PADI3: variants seen among roughly 807,000 people sequenced by gnomAD.
The protein encoded by PADI3 is peptidyl arginine deiminase 3.
A neutral mutation model predicts 71.5 loss-of-function variants in PADI3; 53 were observed. That is an observed-to-expected ratio of 0.74 (90% confidence interval 0.59 to 0.93). PADI3 has a LOEUF of 0.93. Among genes scored for constraint, PADI3 ranks in the 40% least tolerant of loss-of-function variants. PADI3 has a pLI of 0.00. For synonymous variants in PADI3, 361 were observed against 347.5 expected (o/e 1.04, Z -0.43); for missense variants, 821 against 868.0 (o/e 0.95, Z 0.68).
At chr1:17,255,098 C>T (rs958630533) in intron 1 of PADI3, among the ~76,000 whole-genome samples, 7 of 152,314 alleles carry the variant, frequency 4.6e-5, no homozygotes, top group African/African-American at 1.4e-4. Context: ...GCTTAAAATG[C>T]GGTTCCAAGG....
intron 1 of PADI3, among the ~76,000 whole-genome samples, chr1:17,252,364 C>G (rs2072976118): frequency 6.6e-6 from 1 of 150,516 alleles, no homozygotes; most frequent in Non-Finnish European, 1.5e-5. Flanking sequence ...AGCACAAAGT[C>G]TTGGTGCAGG....
chr1:17,263,475 C>T (rs567944238), intron 3 of PADI3, among the ~76,000 whole-genome samples: 28 of 152,106 alleles, frequency 1.8e-4, no homozygotes, highest in Admixed American at 8.5e-4. Flanking sequence ...GGAGCCCTAC[C>T]TCACACCATA....
At chr1:17,265,796 GC>G in intron 4 of PADI3, 76 bp downstream of exon 4, 1 of 1,312,788 alleles carries the variant, frequency 7.6e-7, no homozygotes, top group Non-Finnish European at 1.1e-6. Context: ...GAAGGATGAG[GC>G]CATTACAGAT....
chr1:17,271,668 G>A (rs926011654), intron 9 of PADI3, among the ~76,000 whole-genome samples: 1 of 151,768 alleles, frequency 6.6e-6, no homozygotes, highest in Non-Finnish European at 1.5e-5. Flanking sequence ...GCAACATGGT[G>A]AAACCCTGTC....
intron 11 of PADI3, among the ~76,000 whole-genome samples, chr1:17,275,263 G>A (rs533593744): frequency 3.5e-5 from 5 of 141,212 alleles, no homozygotes; most frequent in Non-Finnish European, 4.6e-5. Flanking sequence ...GTGAAACTCC[G>A]TCTCTACTAA....
chr1:17,260,548 A>G (rs560674937), intron 2 of PADI3, among the ~76,000 whole-genome samples: 5 of 152,130 alleles, frequency 3.3e-5, no homozygotes, highest in African/African-American at 1.2e-4. Flanking sequence ...CATTTCGCAG[A>G]TGGGGCAACT....
At chr1:17,269,338 T>C (rs2073214871) in intron 6 of PADI3, among the ~76,000 whole-genome samples, 1 of 152,216 alleles carries the variant, frequency 6.6e-6, no homozygotes, top group African/African-American at 2.4e-5. Flanking sequence ...TGAGCTCTAC[T>C]TCATTCTTTT....
intron 5 of PADI3, among the ~76,000 whole-genome samples, chr1:17,267,454 G>A (rs958228912): frequency 2.6e-5 from 4 of 152,138 alleles, no homozygotes; most frequent in African/African-American, 9.7e-5. Context: ...GGGCACCATT[G>A]GACATGGGGA....
In PADI3 at chr1:17,270,297, AC is replaced by A; in HGVS notation, c.721del (p.Arg241AlafsTer58). The A allele has an allele frequency of 6.2e-7, 1 of 1,613,534 alleles. No homozygotes were observed. The highest frequency in any genetic ancestry group is 8.5e-7 in the Non-Finnish European group (1 of 1,179,938). The stretch of plus-strand genomic sequence containing the variant: ...GCCAAGATAAGGTGTCCTATGAGGT[AC>A]CCCGCTTGCATGGGGATGAGGAGCG... The part of the protein sequence containing the change: ...LGQDKVSYEV[P>X]RLHGDEERFF... On this transcript the variant is annotated frameshift_variant, in exon 7 of 16. Coordinates refer to ENST00000375460, the MANE Select transcript of PADI3 (RefSeq NM_016233.2). LOFTEE classifies it high-confidence loss of function.
chr1:17,270,963 C>G lies in PADI3; in HGVS notation c.916C>G (p.Leu306Val). The G allele has an allele frequency of 6.2e-7, 1 of 1,614,076 alleles. No individual in the cohort carries two copies. The highest frequency in any genetic ancestry group is 2.2e-5 in the East Asian group (1 of 44,872). Residue 306 changes from leucine to valine, a missense_variant, in exon 8 of 16, where the codon CTA (leucine) becomes GTA (valine). Coordinates refer to ENST00000375460, the MANE Select transcript of PADI3 (RefSeq NM_016233.2). Reference sequence around the variant, plus strand: ...CATGACGCCCAGCACTCTGCCACCCCTAGAGGTGTATGTGTGCCGGTGAGT... The same window carrying G: ...CATGACGCCCAGCACTCTGCCACCCGTAGAGGTGTATGTGTGCCGGTGAGT... ...WIMTPSTLPP[L>V]EVYVCRVRNN...
chr1:17,278,907 C>A (rs887525747), intron 13 of PADI3, among the ~76,000 whole-genome samples: 3 of 152,182 alleles, frequency 2.0e-5, no homozygotes, highest in Non-Finnish European at 4.4e-5. Context: ...TCTTCCAACA[C>A]AACCCTGGAG....
chr1:17,270,677 G>A (rs2073235306), intron 7 of PADI3, among the ~76,000 whole-genome samples: 1 of 151,998 alleles, frequency 6.6e-6, no homozygotes, highest in Admixed American at 6.5e-5. Flanking sequence ...ATAAAGGGCA[G>A]TGGGGAGGAC....
In PADI3 at chr1:17,274,671, G is replaced by C; in HGVS notation, c.1192G>C (p.Asp398His). 1 of 1,613,554 alleles carries C rather than the reference G, an allele frequency of 6.2e-7. No individual in the cohort carries two copies. The highest frequency in any genetic ancestry group is 8.5e-7 in the Non-Finnish European group (1 of 1,179,714). ...DFGYVTREPR[D>H]RSVSGLDSFG... ...TGGTTACGTGACTCGGGAACCACGC[G>C]ACAGGTCTGTGAGTGGCCTGGACTC... The change falls in exon 11 of 16, where the codon GAC (aspartate) becomes CAC (histidine). Residue 398 changes from aspartate (D) to histidine (H), a missense_variant. Physicochemically the swap from Asp to His is moderately conservative, Grantham distance 81 (BLOSUM62 -1). Coordinates refer to ENST00000375460, the MANE Select transcript of PADI3 (RefSeq NM_016233.2).
intron 1 of PADI3, among the ~76,000 whole-genome samples, chr1:17,251,767 A>G (rs933364933): frequency 6.6e-6 from 1 of 152,218 alleles, no homozygotes; most frequent in Non-Finnish European, 1.5e-5. Context: ...ACATTCAGTT[A>G]TGTTAACTGT....
chr1:17,274,426 G>T (rs1318754264), intron 10 of PADI3, among the ~76,000 whole-genome samples: 3 of 152,250 alleles, frequency 2.0e-5, no homozygotes, highest in African/African-American at 7.2e-5. Context: ...CAGGGCCAGA[G>T]AGTCCGAGCA....
At chr1:17,254,626 C>T (rs1033501532) in intron 1 of PADI3, among the ~76,000 whole-genome samples, 5 of 152,046 alleles carry the variant, frequency 3.3e-5, no homozygotes, top group African/African-American at 1.2e-4. Flanking sequence ...AATGCCCCGT[C>T]TTCCTCCTCA....
chr1:17,253,959 C>A (rs1346624638), intron 1 of PADI3, among the ~76,000 whole-genome samples: 1 of 152,230 alleles, frequency 6.6e-6, no homozygotes, highest in Non-Finnish European at 1.5e-5. Context: ...CCTGATTTGA[C>A]AAAGCAGCTT....
intron 9 of PADI3, among the ~76,000 whole-genome samples, chr1:17,271,530 G>T (rs1407371485): frequency 6.6e-6 from 1 of 152,112 alleles, no homozygotes; most frequent in Non-Finnish European, 1.5e-5. Flanking sequence ...CAGACAGTGC[G>T]CAGGACAAGC....
chr1:17,266,581 T>A, intron 4 of PADI3, 138 bp from the exon 5 acceptor site: 1 of 713,962 alleles, frequency 1.4e-6, no homozygotes, highest in Admixed American at 1.9e-5. Context: ...CATTGACATG[T>A]CTTGAGAAGG....
Sources: allele counts gnomAD v4.1 joint callset (sites outside exome capture counted in the v4.1 genomes callset), GRCh38; gene constraint gnomAD v4.1.1; transcripts MANE v1.5; gene names NCBI Gene and HGNC (gene_info 2026-07-23, HGNC 2026-07-21).